Variants in NAV3 observed in about 807,000 individuals in gnomAD.
NAV3 encodes the protein neuron navigator 3, also known as pore membrane and/or filament interacting like protein 1.
Under a neutral mutation model 244.7 loss-of-function variants are expected in NAV3, and 87 were observed. That is an observed-to-expected ratio of 0.36 (90% CI 0.30 to 0.42). The LOEUF (loss-of-function observed/expected upper bound fraction) is 0.42. Ranked by LOEUF, NAV3 falls within the 20% of genes least tolerant of loss-of-function variation. The pLI is 1.00. For missense variants in NAV3, 2,663 were observed against 2,893.3 expected, an observed-to-expected ratio of 0.92 and a Z score of 1.83; for synonymous variants, 1,126 against 1,042.2, an observed-to-expected ratio of 1.08 and a Z score of -1.55.
At chr12:78,119,034 A>C (rs1391456788) in intron 14 of NAV3, among the ~76,000 whole-genome samples, 1 of 152,210 alleles carries the variant, frequency 6.6e-6, no homozygotes, top group Non-Finnish European at 1.5e-5. Context: ...TATCTCTTCC[A>C]TCTCTCATAA....
At position 77,731,395 on chromosome 12, in the gene NAV3, T is replaced by C. The variant is rs1317916427; in HGVS notation, c.72+159129T>C. On this transcript the variant is annotated intron_variant, in intron 2 of 8. Coordinates refer to the NAV3 transcript ENST00000550042. ...GCAGTTTTCTTGAAGAGGTGCTCAA[T>C]TATACAAAAAGAAAAAGTTGCTCAC... 3.3e-5 allele frequency among the ~76,000 whole-genome samples: 5 copies of C among 152,112 alleles called. No individual in the cohort carries two copies. The East Asian group carries it at 5.8e-4, about 18-fold the overall frequency.
chr12:77,779,964 A>C (rs1000616941), intron 2 of NAV3, among the ~76,000 whole-genome samples: 1 of 152,238 alleles, frequency 6.6e-6, no homozygotes, highest in African/African-American at 2.4e-5. Flanking sequence ...TCCCATTACG[A>C]CATGCCCGCT....
chr12:78,199,593 C>A (rs2140018623), intron 37 of NAV3, 62 bp downstream of exon 37: 1 of 1,199,448 alleles, frequency 8.3e-7, no homozygotes, highest in Non-Finnish European at 1.1e-6. Context: ...TAAAGACGGC[C>A]AGATTGGATG....
rs532036168 is a variant in NAV3, at chr12:78,188,711, G to A, written c.5989G>A (p.Val1997Met). The change falls in exon 33 of 40, where the codon GTG becomes ATG. Residue 1997 changes from valine to methionine, a missense_variant. Physicochemically the swap from Val to Met is conservative, Grantham distance 21. Transcript: ENST00000397909. ...CTTAATTAGATCCCATAACCTAGAAGTGCCTGAATTGCTGCCTTGTGGATA... is the reference window on the plus strand; with the variant it reads ...CTTAATTAGATCCCATAACCTAGAAATGCCTGAATTGCTGCCTTGTGGATA... ...GDLIRSHNLE[V>M]PELLPCGYLV... The A allele has an allele frequency of 9.9e-6, 16 of 1,612,380 alleles. No homozygotes were observed. In the Admixed American group the frequency reaches 1.7e-4, roughly 17 times the overall value.
At chr12:77,573,877 A>G (rs1456860510) in intron 2 of NAV3, among the ~76,000 whole-genome samples, 1 of 152,130 alleles carries the variant, frequency 6.6e-6, no homozygotes, top group Admixed American at 6.6e-5. Flanking sequence ...TTCTGCAAAC[A>G]CCAAAGGAAT....
At chr12:78,058,558 CAT>C (rs1204155754) in intron 11 of NAV3, among the ~76,000 whole-genome samples, 1 of 152,130 alleles carries the variant, frequency 6.6e-6, no homozygotes, top group East Asian at 1.9e-4. Flanking sequence ...AATATAAAAA[CAT>C]AGAATTCTAG....
At chr12:77,576,765 G>T (rs1286588812) in intron 2 of NAV3, among the ~76,000 whole-genome samples, 2 of 151,982 alleles carry the variant, frequency 1.3e-5, no homozygotes, top group Non-Finnish European at 2.9e-5. Context: ...AATAAAAAAA[G>T]AAAGTTTAGT....
intron 8 of NAV3, among the ~76,000 whole-genome samples, chr12:78,017,981 C>T (rs1209827633): frequency 6.6e-6 from 1 of 152,118 alleles, no homozygotes. Flanking sequence ...CATCAGTAGA[C>T]ATTTCTGGTC....
chr12:78,194,473 T>C (rs1205753519), intron 34 of NAV3, among the ~76,000 whole-genome samples: 6 of 152,236 alleles, frequency 3.9e-5, no homozygotes, highest in Admixed American at 6.6e-5. Context: ...TGTTTTCTTA[T>C]AGATTTCTGT....
chr12:77,682,174 C>T (rs1015141524), intron 2 of NAV3, among the ~76,000 whole-genome samples: 2 of 152,148 alleles, frequency 1.3e-5, no homozygotes, highest in South Asian at 2.1e-4. Flanking sequence ...AATCCCCAGC[C>T]TCTGGTAGCC....
intron 1 of NAV3, among the ~76,000 whole-genome samples, chr12:77,918,765 A>C (rs1026323737): frequency 6.6e-6 from 1 of 152,044 alleles, no homozygotes; most frequent in Non-Finnish European, 1.5e-5. Context: ...TTCATATGTC[A>C]GCTCAGAGTT....
intron 1 of NAV3, among the ~76,000 whole-genome samples, chr12:77,907,410 C>T (rs1010109221): frequency 1.3e-5 from 2 of 151,988 alleles, no homozygotes; most frequent in Admixed American, 1.3e-4. Flanking sequence ...TTTTGGTAAC[C>T]TTCTCATGTC....
chr12:78,054,574 T>C (rs1369292035), intron 11 of NAV3, among the ~76,000 whole-genome samples: 1 of 152,180 alleles, frequency 6.6e-6, no homozygotes, highest in Admixed American at 6.5e-5. Context: ...TTTCAGGAAC[T>C]AGTGCAAGAG....
chr12:78,026,883 AG>A (rs557101833), intron 9 of NAV3, among the ~76,000 whole-genome samples: 7 of 152,206 alleles, frequency 4.6e-5, no homozygotes, highest in Non-Finnish European at 1.0e-4. Context: ...TAATTTTCAG[AG>A]GAAAACAGTA....
intron 5 of NAV3, among the ~76,000 whole-genome samples, chr12:77,979,657 C>T (rs1421561602): frequency 1.3e-5 from 2 of 150,452 alleles, no homozygotes; most frequent in Non-Finnish European, 3.0e-5. Context: ...CCAAGTGCCT[C>T]CCTCTTTCTG....
rs188997476 is a variant in NAV3 at position 78,051,059 on chromosome 12, G to A, written c.2428G>A (p.Asp810Asn). ...GAGTGAGAAAGCAAGCAGTGACCTG[G>A]ACATGTCTTCTGAGGTCGATGTGGG... ...DMSEKASSDL[D>N]MSSEVDVGGY... Residue 810 changes from aspartate (D) to asparagine (N), a missense_variant, in exon 11 of 40, where the codon GAC becomes AAC. This residue lies in a region of NAV3 where 1,521 missense variants were observed against 1,497.0 expected (regional missense o/e 1.02). Transcript: ENST00000397909. 6.8e-6 allele frequency: 11 copies of A among 1,614,160 alleles called. No individual in the cohort carries two copies. Among genetic ancestry groups the A allele is most frequent in the Admixed American group, 3.3e-5 (2 of 60,012 alleles).
chr12:77,867,314 T>C (rs1169635728), intron 1 of NAV3, among the ~76,000 whole-genome samples: 1 of 152,230 alleles, frequency 6.6e-6, no homozygotes, highest in African/African-American at 2.4e-5. Flanking sequence ...TTTCGCCTTC[T>C]GCCATGATTG....
At chr12:78,017,093 T>G (rs543876031) in intron 8 of NAV3, among the ~76,000 whole-genome samples, 1 of 152,282 alleles carries the variant, frequency 6.6e-6, no homozygotes, top group Non-Finnish European at 1.5e-5. Flanking sequence ...GCAACTTATT[T>G]GACCTCTAGA....
At chr12:77,719,629 T>A (rs1191283799) in intron 2 of NAV3, among the ~76,000 whole-genome samples, 1 of 152,120 alleles carries the variant, frequency 6.6e-6, no homozygotes. Context: ...CCACCTTGTA[T>A]CCCAGAGATA....
Sources: allele counts gnomAD v4.1 joint callset (sites outside exome capture counted in the v4.1 genomes callset), GRCh38; gene constraint gnomAD v4.1.1; regional missense constraint gnomAD v4.1.1; transcripts MANE v1.5; gene names NCBI Gene and HGNC (gene_info 2026-07-23, HGNC 2026-07-21).